Variants in NTN1 observed in about 807,000 individuals in gnomAD.
The protein encoded by NTN1 is netrin-1.
A neutral mutation model predicts 54.2 loss-of-function variants in NTN1; 11 were observed. That is an observed-to-expected ratio of 0.20 (90% CI 0.13 to 0.34). The LOEUF (loss-of-function observed/expected upper bound fraction) is 0.34. Ranked by LOEUF, NTN1 falls within the 10% of genes least tolerant of loss-of-function variation. The probability of loss-of-function intolerance (pLI) is 1.00; values close to 1 mark genes in which losing one functional copy is unlikely to be tolerated. For synonymous variants in NTN1, 371 were observed against 382.0 expected (o/e 0.97, Z 0.33); for missense variants, 740 against 893.1 (o/e 0.83, Z 2.18).
intron 2 of NTN1, among the ~76,000 whole-genome samples, chr17:9,092,209 TATC>T (rs2092113490): frequency 6.6e-6 from 1 of 151,994 alleles, no homozygotes; most frequent in African/African-American, 2.4e-5. Flanking sequence ...TTTCATTTAG[TATC>T]ATGTCACCAT....
intron 2 of NTN1, among the ~76,000 whole-genome samples, chr17:9,120,998 C>T (rs943599400): frequency 1.2e-4 from 18 of 152,130 alleles, no homozygotes; most frequent in South Asian, 2.1e-4. Context: ...CATCAGGGAC[C>T]GCAAGGATTA....
chr17:9,182,897 C>T lies in NTN1; in HGVS notation c.1358-19C>T, dbSNP rs576566832. On this transcript the variant is annotated intron_variant, in intron 4 of 6. Coordinates refer to ENST00000173229, the MANE Select transcript of NTN1 (RefSeq NM_004822.3). ...TTGTTTTCTCTCCTCCCCTCGCCCC[C>T]GTCTTGAACCTCACAAAGAGATCCC... is the stretch of plus-strand genomic sequence containing the variant. 2.9e-5 allele frequency: 46 copies of T among 1,613,912 alleles called. No homozygotes were observed. Among genetic ancestry groups the T allele is most frequent in the African/African-American group, 6.7e-5 (5 of 75,026 alleles).
chr17:9,220,120 G>A (rs958077788), intron 5 of NTN1, among the ~76,000 whole-genome samples: 2 of 152,182 alleles, frequency 1.3e-5, no homozygotes, highest in Admixed American at 6.5e-5. Flanking sequence ...TCAGAGTATC[G>A]CCTAACCAAG....
intron 2 of NTN1, among the ~76,000 whole-genome samples, chr17:9,080,112 C>T (rs1168276939): frequency 1.3e-5 from 2 of 152,260 alleles, no homozygotes; most frequent in Non-Finnish European, 2.9e-5. Flanking sequence ...GGAAGTGATT[C>T]TCTAGCAGGC....
chr17:9,233,532 T>A (rs964965894), intron 6 of NTN1, among the ~76,000 whole-genome samples: 4 of 151,882 alleles, frequency 2.6e-5, no homozygotes, highest in Non-Finnish European at 5.9e-5. Flanking sequence ...CCTCAGAAGG[T>A]CTAGAGCTCA....
At chr17:9,151,771 G>C (rs1239537644) in intron 2 of NTN1, among the ~76,000 whole-genome samples, 1 of 152,158 alleles carries the variant, frequency 6.6e-6, no homozygotes, top group Non-Finnish European at 1.5e-5. Flanking sequence ...GACTTCCTGG[G>C]TCTGCTGGGG....
At position 9,203,123 on chromosome 17, in the gene NTN1, A is replaced by G. The variant is rs55870539; in HGVS notation, c.1412-18045A>G. Among the ~76,000 whole-genome samples, 1,442 of 151,742 alleles carry G rather than the reference A, an allele frequency of 9.5e-3. 12 individuals carry two copies. The highest frequency in any genetic ancestry group is 0.02 in the Middle Eastern group (6 of 294). On this transcript the variant is annotated intron_variant, in intron 5 of 6. Coordinates refer to ENST00000173229, the MANE Select transcript of NTN1 (RefSeq NM_004822.3). ...TTTTTACTAGAGATGGGGTTTCACC[A>G]TGTTAGCCAGGATGATCTCGATCTC...
chr17:9,047,586 T>C (rs144415299), intron 2 of NTN1, among the ~76,000 whole-genome samples: 1,530 of 152,332 alleles, frequency 0.01, 27 homozygotes, highest in African/African-American at 0.032. Context: ...TCTGTAATTA[T>C]TTCCCCCACT....
intron 3 of NTN1, among the ~76,000 whole-genome samples, chr17:9,178,227 T>C (rs928567247): frequency 6.6e-6 from 1 of 152,100 alleles, no homozygotes; most frequent in Non-Finnish European, 1.5e-5. Flanking sequence ...CAGCATTACT[T>C]CTATCTATAA....
intron 5 of NTN1, among the ~76,000 whole-genome samples, chr17:9,192,587 C>T (rs1451690718): frequency 2.0e-5 from 3 of 152,074 alleles, no homozygotes; most frequent in Non-Finnish European, 2.9e-5. Flanking sequence ...TCTTGTGTTA[C>T]GCAGGACAGC....
At chr17:9,025,187 C>G (rs950050812) in intron 2 of NTN1, among the ~76,000 whole-genome samples, 34 of 152,174 alleles carry the variant, frequency 2.2e-4, no homozygotes, top group African/African-American at 8.2e-4. Flanking sequence ...TTTGCCTTAG[C>G]GTTGGTATTG....
chr17:9,092,669 T>G (rs971197847), intron 2 of NTN1, among the ~76,000 whole-genome samples: 23 of 151,488 alleles, frequency 1.5e-4, no homozygotes, highest in African/African-American at 5.6e-4. Context: ...TGTCAGCTCA[T>G]TGCAACCTTT....
chr17:9,116,329 G>C (rs933582400), intron 2 of NTN1, among the ~76,000 whole-genome samples: 2 of 124,166 alleles, frequency 1.6e-5, no homozygotes, highest in African/African-American at 6.0e-5. Context: ...CCAGCTTGCT[G>C]TGTGGCCTTC....
In NTN1 at chr17:9,135,938, G is replaced by A. The variant is rs11652324; in HGVS notation, c.1019-26875G>A. The stretch of plus-strand genomic sequence containing the variant: ...TGCCACCCCAAACGTGTCTGTGTGC[G>A]CACGCTCACTCATACATGTGTGCAC... On this transcript the variant is annotated intron_variant, in intron 2 of 6. Transcript: ENST00000173229. The surrounding 1 kb of genome is among the most constrained non-coding windows in gnomAD (Gnocchi z 4.4). Among the ~76,000 whole-genome samples, 42,269 of 152,058 alleles carry A rather than the reference G, an allele frequency of 0.28. 6,345 individuals carry two copies. The highest frequency in any genetic ancestry group is 0.5 in the East Asian group (2,582 of 5,164).
chr17:9,211,589 G>A lies in NTN1; in HGVS notation c.1412-9579G>A, dbSNP rs1050385777. On this transcript the variant is annotated intron_variant, in intron 5 of 6. Coordinates refer to ENST00000173229, the MANE Select transcript of NTN1 (RefSeq NM_004822.3). The surrounding 1 kb of genome is among the most constrained non-coding windows in gnomAD (Gnocchi z 4.4). ...TGGATGATAAATTCCTAGAAGTGCG[G>A]TTGCTGCGTTGGAGTATGCATGTGT... Among the ~76,000 whole-genome samples, 2 of 152,206 alleles carry A rather than the reference G, an allele frequency of 1.3e-5. No homozygotes were observed. The highest frequency in any genetic ancestry group is 2.9e-5 in the Non-Finnish European group (2 of 68,040).
At chr17:9,085,734 A>G (rs1330193956) in intron 2 of NTN1, among the ~76,000 whole-genome samples, 2 of 152,224 alleles carry the variant, frequency 1.3e-5, no homozygotes, top group African/African-American at 4.8e-5. Context: ...CTCAAATGAC[A>G]GCTGCTCTTA....
chr17:9,184,572 C>T (rs879181460), intron 5 of NTN1, among the ~76,000 whole-genome samples: 8 of 152,172 alleles, frequency 5.3e-5, no homozygotes, highest in African/African-American at 1.4e-4. Context: ...CTGTGCACAC[C>T]GCGGGGGGCT....
intron 5 of NTN1, among the ~76,000 whole-genome samples, chr17:9,202,255 A>G (rs972849050): frequency 6.6e-6 from 1 of 151,840 alleles, no homozygotes; most frequent in Non-Finnish European, 1.5e-5. Context: ...AAAAAGATAT[A>G]AAAGATGAAC....
At position 9,170,528 on chromosome 17, in the gene NTN1, G is replaced by C. The variant is rs557495223; in HGVS notation, c.1207+7527G>C. On this transcript the variant is annotated intron_variant, in intron 3 of 6. Coordinates refer to ENST00000173229, the MANE Select transcript of NTN1 (RefSeq NM_004822.3). ...CACAGGACTGGGCAGGGCCCCAGGG[G>C]TTGGCCCTAATGCTGTTGCACACTC... Among the ~76,000 whole-genome samples the C allele has an allele frequency of 3.9e-5, 6 of 152,310 alleles. 1 individual carries two copies. The highest frequency in any genetic ancestry group is 9.6e-5 in the African/African-American group (4 of 41,564).
Sources: gnomAD v4.1 joint callset for allele counts (sites outside exome capture counted in the v4.1 genomes callset) on GRCh38, gnomAD v4.1.1 for gene constraint, Gnocchi (gnomAD v3.1) non-coding constraint, MANE v1.5 for transcripts, NCBI Gene and HGNC (gene_info 2026-07-23, HGNC 2026-07-21) for gene names.